Variants in SCFD2 observed in about 807,000 individuals in gnomAD.
The protein encoded by SCFD2 is sec1 family domain-containing protein 2.
A neutral mutation model predicts 58.9 loss-of-function variants in SCFD2; 54 were observed. The observed-to-expected ratio is 0.92, with a 90% CI of 0.74 to 1.15. The LOEUF is 1.15. SCFD2 is among the 50% of genes most tolerant of loss of function. SCFD2 has a pLI of 0.00. For missense variants in SCFD2, 805 were observed against 836.6 expected, an observed-to-expected ratio of 0.96 and a Z score of 0.47; for synonymous variants, 321 against 335.9, an observed-to-expected ratio of 0.96 and a Z score of 0.49.
intron 4 of SCFD2, among the ~76,000 whole-genome samples, chr4:53,256,060 G>A (rs1189893886): frequency 6.6e-6 from 1 of 150,594 alleles, no homozygotes. Flanking sequence ...CTGGCCTGGT[G>A]GGGGCTGACC....
intron 8 of SCFD2, among the ~76,000 whole-genome samples, chr4:52,883,282 C>T (rs145254078): frequency 5.6e-4 from 85 of 152,300 alleles, no homozygotes; most frequent in African/African-American, 1.7e-3. Flanking sequence ...AAGGGAGACC[C>T]GCCACAGCAT....
chr4:52,990,014 C>T (rs575138312), intron 5 of SCFD2, among the ~76,000 whole-genome samples: 2 of 152,266 alleles, frequency 1.3e-5, no homozygotes, highest in South Asian at 2.1e-4. Flanking sequence ...TAAATAGGCT[C>T]GAGGCAATCT....
In SCFD2 at chr4:53,006,039, C is replaced by A. The variant is rs940149673; in HGVS notation, c.1562-85169G>T. ...CCCCGACTCCTGACGCTCCTTCAACCCTCACTGCCTCATGACTGCAATCTG... is the reference window on the plus strand; with the variant it reads ...CCCCGACTCCTGACGCTCCTTCAACACTCACTGCCTCATGACTGCAATCTG... On this transcript the variant is annotated intron_variant, in intron 5 of 8. Transcript: ENST00000401642. Among the ~76,000 whole-genome samples the A allele has an allele frequency of 3.9e-5, 6 of 152,156 alleles. 1 individual carries two copies. The highest frequency in any genetic ancestry group is 1.4e-4 in the African/African-American group (6 of 41,420).
chr4:53,215,390 T>C (rs559691924), intron 4 of SCFD2, among the ~76,000 whole-genome samples: 1 of 152,294 alleles, frequency 6.6e-6, no homozygotes, highest in South Asian at 2.1e-4. Flanking sequence ...GTTGGATTCC[T>C]AGGTATTTTA....
intron 4 of SCFD2, among the ~76,000 whole-genome samples, chr4:53,256,264 A>T (rs1730625800): frequency 8.2e-6 from 1 of 122,448 alleles, no homozygotes; most frequent in Non-Finnish European, 1.7e-5. Flanking sequence ...AGCCGGGCAG[A>T]GGCGCTCCTC....
intron 4 of SCFD2, among the ~76,000 whole-genome samples, chr4:53,215,391 AG>A (rs1306851026): frequency 6.6e-6 from 1 of 152,046 alleles, no homozygotes; most frequent in Non-Finnish European, 1.5e-5. Flanking sequence ...TTGGATTCCT[AG>A]GTATTTTATT....
chr4:53,028,740 T>C (rs1427653613), intron 5 of SCFD2, among the ~76,000 whole-genome samples: 2 of 152,170 alleles, frequency 1.3e-5, no homozygotes, highest in Admixed American at 6.5e-5. Context: ...AAGTATTTTA[T>C]GGGTTAAGTA....
chr4:53,023,093 T>G (rs752427300), intron 5 of SCFD2, among the ~76,000 whole-genome samples: 3 of 152,172 alleles, frequency 2.0e-5, no homozygotes, highest in Non-Finnish European at 2.9e-5. Flanking sequence ...GAGACCTTTG[T>G]GCATAGAGAG....
At chr4:53,318,672 G>C (rs1217869562) in intron 2 of SCFD2, among the ~76,000 whole-genome samples, 5 of 151,304 alleles carry the variant, frequency 3.3e-5, no homozygotes, top group Non-Finnish European at 7.4e-5. Flanking sequence ...TTTATCTTAA[G>C]TTCAGGAACA....
intron 5 of SCFD2, among the ~76,000 whole-genome samples, chr4:53,031,831 G>A (rs1261917422): frequency 2.6e-5 from 4 of 152,262 alleles, no homozygotes; most frequent in African/African-American, 9.6e-5. Flanking sequence ...TGAAAGTGAC[G>A]AGGAGAATGG....
At chr4:53,015,039 AATGATTT>A (rs1722178336) in intron 5 of SCFD2, among the ~76,000 whole-genome samples, 1 of 152,202 alleles carries the variant, frequency 6.6e-6, no homozygotes, top group Non-Finnish European at 1.5e-5. Flanking sequence ...ATTACAAGGT[AATGATTT>A]AGCAAAACAA....
intron 2 of SCFD2, among the ~76,000 whole-genome samples, chr4:53,319,720 C>T (rs534555366): frequency 9.2e-5 from 14 of 151,850 alleles, no homozygotes; most frequent in Admixed American, 2.0e-4. Flanking sequence ...TTAGTAGAGA[C>T]GGGGTTTCAC....
chr4:53,307,574 A>T (rs1577954720), intron 3 of SCFD2, among the ~76,000 whole-genome samples: 1 of 152,310 alleles, frequency 6.6e-6, no homozygotes, highest in East Asian at 1.9e-4. Context: ...TAACATACAG[A>T]ATTGTTAAGT....
chr4:52,928,885 A>G (rs899460418), intron 5 of SCFD2, among the ~76,000 whole-genome samples: 3 of 146,072 alleles, frequency 2.1e-5, no homozygotes, highest in Non-Finnish European at 3.0e-5. Context: ...GAGAGGTTAT[A>G]GAAAAAAATA....
At position 53,365,500 on chromosome 4, in the gene SCFD2, T is replaced by A. The variant is rs1355307177; in HGVS notation, c.442A>T (p.Asn148Tyr). The change falls in exon 1 of 9, where the codon AAC (asparagine) becomes TAC (tyrosine). Residue 148 changes from asparagine to tyrosine, a missense_variant. Transcript: ENST00000401642. This position sits in a 1 kb window ranked among gnomAD's most constrained non-coding sequence, Gnocchi z 4.3. ...ACATGGAACACCTCGGCCGTGTAGT[T>A]CATGTTGCCCATCCATTCACACAGC... The part of the protein sequence containing the change: ...EKLCEWMGNM[N>Y]YTAEVFHVPL... The A allele has an allele frequency of 8.7e-6, 14 of 1,614,002 alleles. No individual in the cohort carries two copies. The highest frequency in any genetic ancestry group is 1.2e-5 in the Non-Finnish European group (14 of 1,180,034).
intron 5 of SCFD2, among the ~76,000 whole-genome samples, chr4:53,028,522 G>A (rs1322014033): frequency 2.6e-5 from 4 of 151,790 alleles, no homozygotes; most frequent in South Asian, 2.1e-4. Flanking sequence ...TTATTTTTTC[G>A]GTGATTTCCT....
At position 52,908,145 on chromosome 4, in the gene SCFD2, G is replaced by A. The variant is rs182242497; in HGVS notation, c.1708-554C>T. 4.1e-3 allele frequency among the ~76,000 whole-genome samples: 627 copies of A among 152,294 alleles called. 2 individuals are homozygous for A. Among genetic ancestry groups the A allele is most frequent in the African/African-American group, 0.015 (605 of 41,556 alleles). On this transcript the variant is annotated intron_variant, in intron 6 of 8. Coordinates refer to ENST00000401642, the MANE Select transcript of SCFD2 (RefSeq NM_152540.4). Reference sequence around the variant, plus strand: ...AGATGACATAAAGGAATCTGACAAAGGTCAGAAAGCAGACTACATGGTATC... The same window carrying A: ...AGATGACATAAAGGAATCTGACAAAAGTCAGAAAGCAGACTACATGGTATC...
At position 53,246,379 on chromosome 4, in the gene SCFD2, G is replaced by A. The variant is rs1007505215; in HGVS notation, c.1311+27447C>T. Among the ~76,000 whole-genome samples, 15 of 152,080 alleles carry A rather than the reference G, an allele frequency of 9.9e-5. No individual in the cohort carries two copies. In the East Asian group the frequency reaches 1.9e-3, roughly 20 times the overall value. On this transcript the variant is annotated intron_variant, in intron 4 of 8. Transcript: ENST00000401642. The stretch of plus-strand genomic sequence containing the variant: ...CATATGGAACAACAACGAAAAACCC[G>A]AATAGCCAAGGGAATCCTAACCAAA...
chr4:52,947,390 T>C (rs1276763144), intron 5 of SCFD2, among the ~76,000 whole-genome samples: 1 of 152,218 alleles, frequency 6.6e-6, no homozygotes, highest in Non-Finnish European at 1.5e-5. Context: ...TACAAATTGA[T>C]CTAGCAATTC....
Sources: allele counts gnomAD v4.1 joint callset (sites outside exome capture counted in the v4.1 genomes callset), GRCh38; gene constraint gnomAD v4.1.1; non-coding constraint Gnocchi (gnomAD v3.1); transcripts MANE v1.5; gene names NCBI Gene and HGNC (gene_info 2026-07-23, HGNC 2026-07-21).